Variants in MCTP2 observed in about 807,000 individuals in gnomAD.
MCTP2 encodes the protein multiple C2 and transmembrane domain containing 2.
MCTP2 carries 132 observed loss-of-function variants against 111.6 expected under a neutral mutation model. The ratio of observed to expected loss-of-function variants is 1.18; its 90% CI spans 1.03 to 1.37. MCTP2 has a LOEUF of 1.37. Ranked by LOEUF, MCTP2 falls within the 40% of genes most tolerant of loss-of-function variation. The probability of loss-of-function intolerance (pLI) is 0.00; values close to 1 mark genes in which losing one functional copy is unlikely to be tolerated. For missense variants in MCTP2, 1,183 were observed against 1,067.9 expected (o/e 1.11, Z -1.50); for synonymous variants, 395 against 387.7 (o/e 1.02, Z -0.22).
At chr15:94,452,070 G>A (rs1221294894) in intron 19 of MCTP2, among the ~76,000 whole-genome samples, 2 of 152,012 alleles carry the variant, frequency 1.3e-5, no homozygotes, top group East Asian at 1.9e-4. Context: ...TGATCACCAA[G>A]CTAGTAGATG....
At chr15:94,292,648 T>C (rs1332248910) in intron 1 of MCTP2, among the ~76,000 whole-genome samples, 3 of 152,234 alleles carry the variant, frequency 2.0e-5, no homozygotes, top group Non-Finnish European at 2.9e-5. Context: ...GCCATGTGCT[T>C]GTATTGGAGA....
chr15:94,429,721 T>G lies in MCTP2; in HGVS notation c.2086-10455T>G, dbSNP rs113968395. 5.4e-3 allele frequency among the ~76,000 whole-genome samples: 821 copies of G among 152,274 alleles called. 5 individuals are homozygous for G. The highest frequency in any genetic ancestry group is 0.019 in the African/African-American group (785 of 41,552). Reference sequence around the variant, plus strand: ...CTAAGGTTATCCAGTCTGATATCTTTAAATGCTATCTGGAGTCTGATAATC... The same window carrying G: ...CTAAGGTTATCCAGTCTGATATCTTGAAATGCTATCTGGAGTCTGATAATC... On this transcript the variant is annotated intron_variant, in intron 17 of 22. Transcript: ENST00000357742.
intron 17 of MCTP2, chr15:94,402,783 T>C (rs1303206329): frequency 2.1e-6 from 3 of 1,413,478 alleles, no homozygotes; most frequent in Non-Finnish European, 2.8e-6. Context: ...TCTTTGTATA[T>C]TTGGTATCAT....
intron 4 of MCTP2, among the ~76,000 whole-genome samples, chr15:94,331,478 G>A (rs1192585977): frequency 6.6e-6 from 1 of 152,140 alleles, no homozygotes; most frequent in African/African-American, 2.4e-5. Flanking sequence ...GGGATGGTAT[G>A]GGGTGGGGCT....
intron 11 of MCTP2, among the ~76,000 whole-genome samples, chr15:94,368,189 TC>T (rs2079299552): frequency 1.3e-5 from 2 of 152,188 alleles, no homozygotes; most frequent in Non-Finnish European, 2.9e-5. Flanking sequence ...TTGCAGAACT[TC>T]TTAGGATCAA....
rs2074600983 is a variant in MCTP2 at position 94,479,110 on chromosome 15, G to A, written c.*76G>A. On this transcript the variant is annotated 3_prime_UTR_variant, in exon 23 of 23. Coordinates refer to ENST00000357742, the MANE Select transcript of MCTP2 (RefSeq NM_001385001.1). ...AGACCAATGTTATGGCTGTTTCAGT[G>A]GTACCCAAGGTGTCCTTCTGAAATG... is the stretch of plus-strand genomic sequence containing the variant. The A allele has an allele frequency of 2.8e-6, 4 of 1,407,382 alleles. 1 individual carries two copies. The South Asian group carries it at 3.5e-5, about 12-fold the overall frequency. The allele number at this position is 1,407,382 out of a possible 1,614,324, so 87.2% of individuals were successfully genotyped here.
chr15:94,283,342 G>A (rs1260809532), intron 1 of MCTP2, among the ~76,000 whole-genome samples: 1 of 152,192 alleles, frequency 6.6e-6, no homozygotes, highest in East Asian at 1.9e-4. Flanking sequence ...CTGCCTAGAG[G>A]AGTATGCCAA....
At chr15:94,254,933 G>A (rs941270473) in intron 1 of MCTP2, among the ~76,000 whole-genome samples, 2 of 152,112 alleles carry the variant, frequency 1.3e-5, no homozygotes, top group Admixed American at 1.3e-4. Flanking sequence ...GAAGTTTTCA[G>A]ATGTGTTTCT....
chr15:94,259,121 C>G (rs1047733733), intron 1 of MCTP2, among the ~76,000 whole-genome samples: 8 of 152,218 alleles, frequency 5.3e-5, no homozygotes, highest in Non-Finnish European at 8.8e-5. Flanking sequence ...TCAGTTCACT[C>G]TGGGGACCCC....
chr15:94,240,117 G>C (rs2070836955), intron 1 of MCTP2, among the ~76,000 whole-genome samples: 1 of 151,826 alleles, frequency 6.6e-6, no homozygotes, highest in African/African-American at 2.4e-5. Flanking sequence ...GCTTTTCCTA[G>C]TTTACAGGAC....
chr15:94,343,450 C>T (rs1450309344), intron 7 of MCTP2: 1 of 152,100 alleles, frequency 6.6e-6, no homozygotes, highest in Non-Finnish European at 1.5e-5. Flanking sequence ...TTCCAGTCAT[C>T]TTTGAGGTAG....
intron 12 of MCTP2, among the ~76,000 whole-genome samples, chr15:94,378,046 A>G (rs534228270): frequency 2.6e-5 from 4 of 152,218 alleles, no homozygotes; most frequent in African/African-American, 9.6e-5. Context: ...CAGGTGAAGA[A>G]ATTTGGAAAA....
Position 94,353,981 on chromosome 15 carries a change from A to G in MCTP2, c.1006-2156A>G, listed in dbSNP as rs552344894. ...AATATTAACTGTTTCATAAACCTTTATTGAGTATATCTGGAATATGTTATT... is the reference window on the plus strand; with the variant it reads ...AATATTAACTGTTTCATAAACCTTTGTTGAGTATATCTGGAATATGTTATT... On this transcript the variant is annotated intron_variant, in intron 8 of 22. Coordinates refer to ENST00000357742, the MANE Select transcript of MCTP2 (RefSeq NM_001385001.1). Among the ~76,000 whole-genome samples the G allele has an allele frequency of 1.7e-3, 253 of 151,462 alleles. 1 individual carries two copies. Among genetic ancestry groups the G allele is most frequent in the Non-Finnish European group, 2.9e-3 (200 of 67,864 alleles).
chr15:94,275,364 A>C (rs1431637879), intron 1 of MCTP2, among the ~76,000 whole-genome samples: 1 of 152,208 alleles, frequency 6.6e-6, no homozygotes, highest in African/African-American at 2.4e-5. Context: ...AAAATCTGAA[A>C]ATAGTTACCA....
At chr15:94,465,477 T>C (rs987955746) in intron 20 of MCTP2, among the ~76,000 whole-genome samples, 1 of 152,160 alleles carries the variant, frequency 6.6e-6, no homozygotes. Context: ...AATGTGGTGT[T>C]CCCCTCTCTT....
At chr15:94,426,370 T>G (rs1212547564) in intron 17 of MCTP2, among the ~76,000 whole-genome samples, 1 of 152,148 alleles carries the variant, frequency 6.6e-6, no homozygotes, top group Non-Finnish European at 1.5e-5. Flanking sequence ...TTCTTATTAT[T>G]CTATTTCTAG....
intron 20 of MCTP2, among the ~76,000 whole-genome samples, chr15:94,469,921 A>C (rs2073773250): frequency 6.6e-6 from 1 of 152,168 alleles, no homozygotes; most frequent in Non-Finnish European, 1.5e-5. Context: ...GGTAAAGGAA[A>C]GGTTACCATA....
At chr15:94,341,728 G>C (rs752229650) in intron 7 of MCTP2, 26 of 152,096 alleles carry the variant, frequency 1.7e-4, no homozygotes, top group Non-Finnish European at 3.4e-4. Flanking sequence ...AAAGCAGTAG[G>C]AAAACTGTAG....
chr15:94,426,966 C>G (rs1044602710), intron 17 of MCTP2, among the ~76,000 whole-genome samples: 1 of 152,002 alleles, frequency 6.6e-6, no homozygotes, highest in Non-Finnish European at 1.5e-5. Flanking sequence ...TAAATTGTCC[C>G]TCATCTCTAA....
Sources: allele counts gnomAD v4.1 joint callset (sites outside exome capture counted in the v4.1 genomes callset), GRCh38; gene constraint gnomAD v4.1.1; transcripts MANE v1.5; gene names NCBI Gene and HGNC (gene_info 2026-07-23, HGNC 2026-07-21).